DEPTOR: variants seen among roughly 807,000 people sequenced by gnomAD.
DEPTOR encodes DEP domain-containing mTOR-interacting protein.
A neutral mutation model predicts 41.6 loss-of-function variants in DEPTOR; 41 were observed. The ratio of observed to expected loss-of-function variants is 0.98; its 90% CI spans 0.77 to 1.28. DEPTOR has a LOEUF of 1.28. DEPTOR is among the 50% of genes most tolerant of loss of function. The pLI, the probability that DEPTOR is intolerant of heterozygous loss-of-function variation, is 0.00. For missense variants in DEPTOR, 514 were observed against 527.9 expected (o/e 0.97, Z 0.26); for synonymous variants, 195 against 192.3 (o/e 1.01, Z -0.12).
chr8:119,880,000 G>T (rs1420534489), intron 1 of DEPTOR, among the ~76,000 whole-genome samples: 1 of 151,862 alleles, frequency 6.6e-6, no homozygotes, highest in Non-Finnish European at 1.5e-5. Context: ...AAATTAGCTG[G>T]GCACGGTGGC....
rs201890281 is a variant in DEPTOR, at chr8:120,001,584, C to T, written c.664C>T (p.Arg222Trp). Residue 222 changes from arginine (R) to tryptophan (W), a missense_variant, in exon 5 of 9, where the codon CGG (arginine) becomes TGG (tryptophan). Coordinates refer to ENST00000286234, the MANE Select transcript of DEPTOR (RefSeq NM_022783.4). ...TCTCTACCAGTTCAGAATGAACTTCCGGCGGAGGCGAAGACTGATGGAGCT... is the reference window on the plus strand; with the variant it reads ...TCTCTACCAGTTCAGAATGAACTTCTGGCGGAGGCGAAGACTGATGGAGCT... ...NLLYQFRMNF[R>W]RRRRLMELLN... The T allele has an allele frequency of 6.6e-5, 106 of 1,613,868 alleles. No homozygotes were observed. The highest frequency in any genetic ancestry group is 8.4e-5 in the Non-Finnish European group (99 of 1,179,920).
chr8:119,938,944 G>GCTCTCTCTCT lies in DEPTOR; in HGVS notation c.425+9027_425+9036dup, dbSNP rs139892847. ...CTTTCTTTTCATTGTGTTCCTTCTT[G>GCTCTCTCTCT]CTCTCTCTCTCTCTCTCTCTCTCTC... On this transcript the variant is annotated intron_variant, in intron 3 of 8. Coordinates refer to ENST00000286234, the MANE Select transcript of DEPTOR (RefSeq NM_022783.4). Among the ~76,000 whole-genome samples the GCTCTCTCTCT allele has an allele frequency of 9.2e-3, 1,155 of 125,978 alleles. 5 individuals are homozygous for GCTCTCTCTCT. Among genetic ancestry groups the GCTCTCTCTCT allele is most frequent in the African/African-American group, 0.016 (559 of 34,262 alleles). The allele number at this position is 125,978 out of a possible 152,430, so 82.6% of individuals were successfully genotyped here.
At chr8:119,950,937 G>A (rs1828344375) in intron 3 of DEPTOR, among the ~76,000 whole-genome samples, 1 of 152,086 alleles carries the variant, frequency 6.6e-6, no homozygotes, top group Non-Finnish European at 1.5e-5. Flanking sequence ...GCATGGTGAA[G>A]TGGCTCACAC....
intron 8 of DEPTOR, among the ~76,000 whole-genome samples, chr8:120,017,868 G>T (rs1812636944): frequency 6.6e-6 from 1 of 152,136 alleles, no homozygotes; most frequent in Non-Finnish European, 1.5e-5. Context: ...AAGCCTCCTG[G>T]CTTCTTTTCT....
At chr8:119,897,367 T>C (rs1387859224) in intron 1 of DEPTOR, among the ~76,000 whole-genome samples, 4 of 152,120 alleles carry the variant, frequency 2.6e-5, no homozygotes, top group African/African-American at 9.7e-5. Flanking sequence ...ACCCTGTCTC[T>C]ACTAAAAATA....
intron 1 of DEPTOR, among the ~76,000 whole-genome samples, chr8:119,919,271 G>A (rs756479721): frequency 1.3e-5 from 2 of 152,086 alleles, no homozygotes; most frequent in Non-Finnish European, 2.9e-5. Flanking sequence ...AAGTGGAGGT[G>A]GAGGAAAGCC....
In DEPTOR at chr8:120,003,996, T is replaced by C. The variant is rs1444502010; in HGVS notation, c.925+885T>C. ...TGTTTAAGGCACTGTCCACCCCCAG[T>C]TCAGTTTGTCACCTTCGAGGAAGAG... On this transcript the variant is annotated intron_variant, in intron 6 of 8. Transcript: ENST00000286234. Among the ~76,000 whole-genome samples, 5 of 152,304 alleles carry C rather than the reference T, an allele frequency of 3.3e-5. No individual in the cohort carries two copies. In the East Asian group the frequency reaches 9.7e-4, roughly 29 times the overall value.
At chr8:119,926,704 A>G (rs1411983134) in intron 1 of DEPTOR, among the ~76,000 whole-genome samples, 1 of 152,076 alleles carries the variant, frequency 6.6e-6, no homozygotes, top group African/African-American at 2.4e-5. Context: ...CTCCTTTAGT[A>G]TTTTCCTGAT....
intron 3 of DEPTOR, among the ~76,000 whole-genome samples, chr8:119,940,543 T>A (rs1828189053): frequency 1.3e-5 from 2 of 151,696 alleles, no homozygotes; most frequent in Admixed American, 6.6e-5. Context: ...GTCAGGAGTT[T>A]GAGACCAGCC....
chr8:119,877,867 G>T (rs1827248644), intron 1 of DEPTOR, among the ~76,000 whole-genome samples: 1 of 152,154 alleles, frequency 6.6e-6, no homozygotes, highest in South Asian at 2.1e-4. Context: ...GTGTTGTTAT[G>T]ACTATTGTAA....
At chr8:120,045,497 A>G (rs1454082049) in intron 8 of DEPTOR, among the ~76,000 whole-genome samples, 2 of 152,036 alleles carry the variant, frequency 1.3e-5, no homozygotes, top group Non-Finnish European at 2.9e-5. Context: ...CAGTCCCCCA[A>G]GTAGCTGGGA....
At chr8:119,974,274 G>A (rs1420641314) in intron 4 of DEPTOR, among the ~76,000 whole-genome samples, 1 of 146,104 alleles carries the variant, frequency 6.8e-6, no homozygotes, top group African/African-American at 2.5e-5. Context: ...GAGAAAGAAG[G>A]TACTGATGAT....
chr8:119,928,297 T>A, intron 1 of DEPTOR, 103 bp from the exon 2 acceptor site: 2 of 1,266,506 alleles, frequency 1.6e-6, no homozygotes, highest in East Asian at 4.7e-5. Flanking sequence ...CAATGACACC[T>A]TCATGCCTTT....
chr8:120,018,970 T>C (rs2130129872), intron 8 of DEPTOR, among the ~76,000 whole-genome samples: 1 of 152,320 alleles, frequency 6.6e-6, no homozygotes, highest in East Asian at 1.9e-4. Flanking sequence ...TAGACCTTCA[T>C]GGGGTTTATA....
intron 4 of DEPTOR, among the ~76,000 whole-genome samples, chr8:119,991,094 T>TTTTTTTTAAAA (rs1563584699): frequency 3.3e-5 from 4 of 120,734 alleles, no homozygotes; most frequent in South Asian, 2.6e-4. Context: ...TTCTTTTTCT[T>TTTTTTTTAAAA]TCTTTCTTTC....
At chr8:119,888,610 C>A (rs1486905363) in intron 1 of DEPTOR, among the ~76,000 whole-genome samples, 1 of 152,066 alleles carries the variant, frequency 6.6e-6, no homozygotes, top group Non-Finnish European at 1.5e-5. Flanking sequence ...AATCCCAGCA[C>A]TTTGGGAGGC....
chr8:119,880,077 G>C (rs1188574835), intron 1 of DEPTOR, among the ~76,000 whole-genome samples: 3 of 151,838 alleles, frequency 2.0e-5, no homozygotes, highest in Non-Finnish European at 2.9e-5. Flanking sequence ...AGATGGCAGA[G>C]GTTGCAGTGA....
intron 4 of DEPTOR, among the ~76,000 whole-genome samples, chr8:119,974,127 G>A (rs1488890098): frequency 6.7e-6 from 1 of 149,832 alleles, no homozygotes; most frequent in Non-Finnish European, 1.5e-5. Flanking sequence ...AACTGGGTGT[G>A]GTGGCTCATG....
chr8:119,968,715 T>C (rs997164542), intron 4 of DEPTOR, among the ~76,000 whole-genome samples: 2 of 152,188 alleles, frequency 1.3e-5, no homozygotes, highest in African/African-American at 4.8e-5. Context: ...AAATCACTTG[T>C]CTGAGGCCAC....
Sources: allele counts gnomAD v4.1 joint callset (sites outside exome capture counted in the v4.1 genomes callset), GRCh38; gene constraint gnomAD v4.1.1; transcripts MANE v1.5; gene names NCBI Gene and HGNC (gene_info 2026-07-23, HGNC 2026-07-21).